Variants in GABRB3 observed in about 807,000 individuals in gnomAD.
GABRB3 encodes the protein gamma-aminobutyric acid type A receptor subunit beta3, also known as gamma-aminobutyric acid receptor subunit beta-3.
GABRB3 carries 14 observed loss-of-function variants against 52.1 expected under a neutral mutation model. The observed-to-expected ratio is 0.27, with a 90% CI of 0.18 to 0.42. The LOEUF is 0.42. Among genes scored for constraint, GABRB3 ranks in the 10% least tolerant of loss-of-function variants. GABRB3 has a pLI of 1.00. For missense variants in GABRB3, 307 were observed against 609.1 expected (o/e 0.50, Z 5.22); for synonymous variants, 260 against 232.3 (o/e 1.12, Z -1.08).
intron 3 of GABRB3, among the ~76,000 whole-genome samples, chr15:26,670,847 CATCCT>C (rs1207349492): frequency 6.6e-6 from 1 of 152,214 alleles, no homozygotes; most frequent in Non-Finnish European, 1.5e-5. Context: ...CATAGCTAAA[CATCCT>C]TATCACACAG....
rs150143463 is a variant in GABRB3 at position 26,663,965 on chromosome 15, T to G, written c.241-42431A>C. ...CCTACTGGTATCAGCATTTTAACAC[T>G]TCAAACAAAATTTAAAAACTTGTCC... is the stretch of plus-strand genomic sequence containing the variant. On this transcript the variant is annotated intron_variant, in intron 3 of 8. Coordinates refer to ENST00000311550, the MANE Select transcript of GABRB3 (RefSeq NM_000814.6). Among the ~76,000 whole-genome samples, 3 of 152,380 alleles carry G rather than the reference T, an allele frequency of 2.0e-5. No individual in the cohort carries two copies. The East Asian group carries it at 5.8e-4, about 29-fold the overall frequency.
At chr15:26,757,580 GT>G (rs1372550030) in intron 3 of GABRB3, among the ~76,000 whole-genome samples, 1 of 152,172 alleles carries the variant, frequency 6.6e-6, no homozygotes, top group African/African-American at 2.4e-5. Context: ...TTATAATAGA[GT>G]TAAGCTGCCT....
intron 8 of GABRB3, among the ~76,000 whole-genome samples, chr15:26,555,335 G>C (rs1249129156): frequency 6.6e-6 from 1 of 152,096 alleles, no homozygotes; most frequent in Non-Finnish European, 1.5e-5. Context: ...CATGTAGGTG[G>C]GGACTTCAGG....
chr15:26,585,184 G>A (rs1218937534), intron 4 of GABRB3, among the ~76,000 whole-genome samples: 1 of 152,178 alleles, frequency 6.6e-6, no homozygotes, highest in Non-Finnish European at 1.5e-5. Context: ...TGCAGGAGTT[G>A]TGTAACTGGC....
chr15:26,564,907 C>A (rs1238266206), intron 7 of GABRB3, among the ~76,000 whole-genome samples: 1 of 152,164 alleles, frequency 6.6e-6, no homozygotes, highest in Non-Finnish European at 1.5e-5. Context: ...GAATTATATG[C>A]AGTAGTTAAG....
upstream of GABRB3, chr15:26,773,653 C>G: frequency 4.5e-6 from 7 of 1,566,014 alleles, no homozygotes; most frequent in Non-Finnish European, 5.2e-6. Flanking sequence ...ACCTGCGGGG[C>G]TCAGAGCCTC....
chr15:26,675,667 G>A (rs1257519829), intron 3 of GABRB3, among the ~76,000 whole-genome samples: 2 of 152,118 alleles, frequency 1.3e-5, no homozygotes, highest in African/African-American at 2.4e-5. Context: ...GGGAATTTAT[G>A]GCAAAAGAGC....
intron 3 of GABRB3, among the ~76,000 whole-genome samples, chr15:26,703,600 A>G (rs1889005407): frequency 6.6e-6 from 1 of 152,206 alleles, no homozygotes; most frequent in African/African-American, 2.4e-5. Flanking sequence ...CATGAGTGAC[A>G]TTCAAGGTAG....
chr15:26,573,539 TCTCCATTATTTGGGATA>T (rs1567119338), intron 6 of GABRB3, among the ~76,000 whole-genome samples: 1 of 152,172 alleles, frequency 6.6e-6, no homozygotes, highest in East Asian at 1.9e-4. Flanking sequence ...CAATCCAGCC[TCTCCATTATTTGGGATA>T]CTCCTTTTTG....
Position 26,560,939 on chromosome 15 carries a change from C to G in GABRB3, c.1073G>C (p.Ser358Thr). ...KAKNDRSKSESNRVDAHGNIL... is the reference protein window; with the variant it reads ...KAKNDRSKSETNRVDAHGNIL... ...AGGTGGTGGAGAGCCTACCCGGTTG[C>G]TTTCGCTCTTTGAACGGTCATTCTT... The change falls in exon 8 of 9, where the codon AGC (serine) becomes ACC (threonine). Residue 358 changes from serine to threonine, a missense_variant. Physicochemically the swap from Ser to Thr is moderately conservative, Grantham distance 58 (BLOSUM62 1). Coordinates refer to ENST00000311550, the MANE Select transcript of GABRB3 (RefSeq NM_000814.6). The G allele has an allele frequency of 6.2e-7, 1 of 1,613,924 alleles. No individual in the cohort carries two copies. Among genetic ancestry groups the G allele is most frequent in the Non-Finnish European group, 8.5e-7 (1 of 1,180,032 alleles).
chr15:26,554,087 A>G (rs1324986124), intron 8 of GABRB3, among the ~76,000 whole-genome samples: 1 of 36,824 alleles, frequency 2.7e-5, no homozygotes, highest in Non-Finnish European at 5.3e-5. Context: ...TATAAAGTGT[A>G]TATATGTATA....
chr15:26,580,571 C>T (rs1283014317), intron 5 of GABRB3, 115 bp from the exon 6 acceptor site: 24 of 1,301,794 alleles, frequency 1.8e-5, no homozygotes, highest in Admixed American at 3.4e-5. Flanking sequence ...AGTAGATTTG[C>T]TTAATGTGCT....
At chr15:26,712,399 A>G (rs553433939) in intron 3 of GABRB3, among the ~76,000 whole-genome samples, 7 of 152,160 alleles carry the variant, frequency 4.6e-5, no homozygotes, top group African/African-American at 1.7e-4. Flanking sequence ...CCAGAAGAGC[A>G]GCAAGGAGGC....
At chr15:26,690,059 G>T (rs148070307) in intron 3 of GABRB3, among the ~76,000 whole-genome samples, 55 of 151,082 alleles carry the variant, frequency 3.6e-4, no homozygotes, top group African/African-American at 1.3e-3. Context: ...TACCCCACTA[G>T]ATACAGCTCT....
intron 4 of GABRB3, chr15:26,612,198 C>G (rs976575613): frequency 6.6e-6 from 1 of 152,020 alleles, no homozygotes; most frequent in African/African-American, 2.4e-5. Flanking sequence ...GAAAAATGTG[C>G]TGATATTAAC....
intron 2 of GABRB3, 68 bp from the exon 3 acceptor site, chr15:26,772,537 G>C: frequency 6.5e-7 from 1 of 1,532,088 alleles, no homozygotes; most frequent in African/African-American, 1.4e-5. Context: ...TCTGAGGACT[G>C]GGGGCTATCC....
intron 3 of GABRB3, among the ~76,000 whole-genome samples, chr15:26,758,368 GCTTTCCT>G (rs1194798791): frequency 5.9e-5 from 9 of 151,616 alleles, no homozygotes; most frequent in African/African-American, 2.2e-4. Flanking sequence ...AATTCCATCT[GCTTTCCT>G]CTGAAGGATG....
chr15:26,642,750 C>T (rs1413828252), intron 3 of GABRB3, among the ~76,000 whole-genome samples: 2 of 152,078 alleles, frequency 1.3e-5, no homozygotes, highest in East Asian at 1.9e-4. Context: ...AAGATTATCA[C>T]TCAACAGATG....
At chr15:26,746,851 G>C (rs752674595) in intron 3 of GABRB3, among the ~76,000 whole-genome samples, 1 of 152,202 alleles carries the variant, frequency 6.6e-6, no homozygotes, top group South Asian at 2.1e-4. Flanking sequence ...GCCGGGCGTG[G>C]TGGCGGGCAC....
Sources: gnomAD v4.1 joint callset for allele counts (sites outside exome capture counted in the v4.1 genomes callset) on GRCh38, gnomAD v4.1.1 for gene constraint, MANE v1.5 for transcripts, NCBI Gene and HGNC (gene_info 2026-07-23, HGNC 2026-07-21) for gene names.